TTC28: variants seen among roughly 807,000 people sequenced by gnomAD.
TTC28 encodes tetratricopeptide repeat domain 28, also known as tetratricopeptide repeat protein 28.
TTC28 carries 61 observed loss-of-function variants against 198.0 expected under a neutral mutation model. The observed-to-expected ratio is 0.31, with a 90% CI of 0.25 to 0.38. TTC28 has a LOEUF of 0.38. TTC28 is among the 10% of genes least tolerant of loss of function. The probability of loss-of-function intolerance (pLI) is 1.00; values close to 1 mark genes in which losing one functional copy is unlikely to be tolerated. For synonymous variants in TTC28, 1,171 were observed against 1,297.8 expected (o/e 0.90, Z 2.10); for missense variants, 2,678 against 3,164.0 (o/e 0.85, Z 3.69).
intron 2 of TTC28, among the ~76,000 whole-genome samples, chr22:28,620,349 CAAA>C (rs34680067): frequency 1.4e-5 from 2 of 142,558 alleles, no homozygotes; most frequent in African/African-American, 2.6e-5. Flanking sequence ...ATCTCTGTCT[CAAA>C]AAAAAAAAAA....
chr22:28,161,804 G>GGGAGGGAA (rs1452682632), intron 6 of TTC28, among the ~76,000 whole-genome samples: 1 of 148,288 alleles, frequency 6.7e-6, no homozygotes, highest in African/African-American at 2.5e-5. Context: ...GAGGAAGGGA[G>GGGAGGGAA]GGAGGGAAGG....
chr22:28,188,688 A>G lies in TTC28; in HGVS notation c.934-25089T>C, dbSNP rs1286333801. ...CTGAATGGTGAGATTCTCCTCACCC[A>G]GTATCCTTCTCACATTACAAGCCCC... On this transcript the variant is annotated intron_variant, in intron 5 of 22. Transcript: ENST00000397906. Among the ~76,000 whole-genome samples, 4 of 152,190 alleles carry G rather than the reference A, an allele frequency of 2.6e-5. No homozygotes were observed. The East Asian group carries it at 7.7e-4, about 29-fold the overall frequency.
At chr22:28,122,991 T>C (rs1362188088) in intron 6 of TTC28, among the ~76,000 whole-genome samples, 1 of 152,212 alleles carries the variant, frequency 6.6e-6, no homozygotes, top group Non-Finnish European at 1.5e-5. Context: ...AAATGGGGTA[T>C]GAAGGATGTA....
intron 12 of TTC28, among the ~76,000 whole-genome samples, chr22:28,037,799 T>A (rs1224683146): frequency 6.6e-6 from 1 of 152,232 alleles, no homozygotes; most frequent in Non-Finnish European, 1.5e-5. Flanking sequence ...CTCCTTAAGC[T>A]GATAAGCAAC....
intron 2 of TTC28, among the ~76,000 whole-genome samples, chr22:28,312,594 C>T (rs1351301724): frequency 1.3e-5 from 2 of 152,188 alleles, no homozygotes; most frequent in Non-Finnish European, 1.5e-5. Context: ...AACTGAACAA[C>T]CTGCTCCTGA....
chr22:28,245,095 T>C (rs764778241), intron 5 of TTC28, among the ~76,000 whole-genome samples: 38 of 152,244 alleles, frequency 2.5e-4, no homozygotes, highest in Non-Finnish European at 5.0e-4. Context: ...AGCCAGACTT[T>C]CATTTTTATA....
At chr22:28,102,727 C>T (rs542557682) in intron 8 of TTC28, among the ~76,000 whole-genome samples, 4 of 152,088 alleles carry the variant, frequency 2.6e-5, no homozygotes, top group Admixed American at 1.3e-4. Flanking sequence ...TCTGTTGAGA[C>T]GGTAAGAAAA....
intron 1 of TTC28, among the ~76,000 whole-genome samples, chr22:28,673,072 A>G (rs965291277): frequency 6.6e-6 from 1 of 152,166 alleles, no homozygotes; most frequent in African/African-American, 2.4e-5. Flanking sequence ...GTGGTTTTGC[A>G]GGAGTTAAAA....
Position 28,040,382 on chromosome 22 carries a change from A to G in TTC28, c.3933-10016T>C, listed in dbSNP as rs910541051. Reference sequence around the variant, plus strand: ...AATCCAGCAGCACATAAAAAAGCTTATCCACCACGATCAAGTCGTCTTCAT... The same window carrying G: ...AATCCAGCAGCACATAAAAAAGCTTGTCCACCACGATCAAGTCGTCTTCAT... On this transcript the variant is annotated intron_variant, in intron 12 of 22. Transcript: ENST00000397906. 3.3e-5 allele frequency among the ~76,000 whole-genome samples: 5 copies of G among 152,226 alleles called. No individual in the cohort carries two copies. The East Asian group carries it at 7.7e-4, about 23-fold the overall frequency.
chr22:28,583,454 C>A (rs2050260664), intron 2 of TTC28, among the ~76,000 whole-genome samples: 1 of 152,162 alleles, frequency 6.6e-6, no homozygotes, highest in African/African-American at 2.4e-5. Context: ...TTAAAATCAG[C>A]TGTGCAATAC....
At position 28,629,920 on chromosome 22, in the gene TTC28, T is replaced by G. The variant is rs1435338980; in HGVS notation, c.103-90A>C. ...GATTTGGATGTCTGTCCCCTCCAGT[T>G]GCACATTAAAATGTGATCCCCAGTA... On this transcript the variant is annotated intron_variant, in intron 1 of 22. Transcript: ENST00000397906. 4.2e-6 allele frequency: 5 copies of G among 1,190,802 alleles called. No individual in the cohort carries two copies. In the Middle Eastern group the frequency reaches 7.4e-4, roughly 176 times the overall value. 73.8% of individuals were successfully genotyped at this position (1,190,802 alleles called of 1,614,324 possible).
At chr22:28,677,175 A>AT (rs1291722557) in intron 1 of TTC28, among the ~76,000 whole-genome samples, 56 of 69,398 alleles carry the variant, frequency 8.1e-4, no homozygotes, top group African/African-American at 3.5e-3. Context: ...AAAAAAAAAA[A>AT]ATATATATAT....
chr22:27,998,931 G>C lies in TTC28; in HGVS notation c.4728C>G (p.Pro1576=). Residue 1576 remains proline, a synonymous_variant, in exon 16 of 23, where the codon CCC becomes CCG. Coordinates refer to ENST00000397906, the MANE Select transcript of TTC28 (RefSeq NM_001145418.2). ...CCCGCAAGGACTCAGGGATCGTGTA[G>C]GGGTGGCCGAAGGAGCTCTTGCTGC... is the stretch of plus-strand genomic sequence containing the variant. The part of the protein sequence containing the change: ...PASSKSSFGH[P]YTIPESLRVQ... 4 of 1,550,808 alleles carry C rather than the reference G, an allele frequency of 2.6e-6. No homozygotes were observed. The highest frequency in any genetic ancestry group is 2.7e-5 in the African/African-American group (2 of 73,182).
chr22:28,658,988 T>C (rs1022525778), intron 1 of TTC28, among the ~76,000 whole-genome samples: 1 of 151,768 alleles, frequency 6.6e-6, no homozygotes, highest in African/African-American at 2.4e-5. Context: ...CAGAGTGAGA[T>C]TCTGTCTCAA....
chr22:28,535,068 TAAAA>T (rs532281535), intron 2 of TTC28, among the ~76,000 whole-genome samples: 1 of 151,428 alleles, frequency 6.6e-6, no homozygotes, highest in Admixed American at 6.6e-5. Context: ...ATAATAATAA[TAAAA>T]AAAAGAAAGA....
chr22:28,350,395 A>G (rs2045973733), intron 2 of TTC28, among the ~76,000 whole-genome samples: 1 of 152,132 alleles, frequency 6.6e-6, no homozygotes, highest in Non-Finnish European at 1.5e-5. Flanking sequence ...TGAATTAGTT[A>G]TTCATCAAAA....
At chr22:28,114,212 G>A (rs1006440284) in intron 6 of TTC28, among the ~76,000 whole-genome samples, 2 of 152,184 alleles carry the variant, frequency 1.3e-5, no homozygotes, top group African/African-American at 4.8e-5. Flanking sequence ...GAAAAGTGCT[G>A]TGTACTCCCA....
At chr22:28,138,136 C>A (rs1330600319) in intron 6 of TTC28, among the ~76,000 whole-genome samples, 3 of 152,088 alleles carry the variant, frequency 2.0e-5, no homozygotes, top group South Asian at 4.2e-4. Flanking sequence ...TATTTTAAAA[C>A]CATCATGCTC....
At chr22:28,097,400 C>T (rs1472207516) in intron 10 of TTC28, among the ~76,000 whole-genome samples, 2 of 152,202 alleles carry the variant, frequency 1.3e-5, no homozygotes, top group Non-Finnish European at 2.9e-5. Flanking sequence ...GGCTCCAACA[C>T]ACTTTTTTCC....
Sources: allele counts gnomAD v4.1 joint callset (sites outside exome capture counted in the v4.1 genomes callset), GRCh38; gene constraint gnomAD v4.1.1; transcripts MANE v1.5; gene names NCBI Gene and HGNC (gene_info 2026-07-23, HGNC 2026-07-21).